Variants in PCBP3 observed in about 807,000 individuals in gnomAD.
The protein encoded by PCBP3 is poly(rC) binding protein 3.
Under a neutral mutation model 52.7 loss-of-function variants are expected in PCBP3, and 25 were observed. The ratio of observed to expected loss-of-function variants is 0.47; its 90% confidence interval spans 0.35 to 0.66. The LOEUF (loss-of-function observed/expected upper bound fraction) is 0.66, where lower values mean the gene tolerates loss of function less well. Ranked by LOEUF, PCBP3 falls within the 30% of genes least tolerant of loss-of-function variation. PCBP3 has a pLI of 0.01. For synonymous variants in PCBP3, 162 were observed against 183.0 expected (o/e 0.89, Z 0.93); for missense variants, 391 against 490.3 (o/e 0.80, Z 1.91).
At chr21:45,745,933 C>T (rs1391138444) in intron 3 of PCBP3, among the ~76,000 whole-genome samples, 3 of 151,480 alleles carry the variant, frequency 2.0e-5, no homozygotes, top group Non-Finnish European at 4.4e-5. Context: ...AGTCCATTGA[C>T]GTAGCGCCAC....
chr21:45,843,030 T>C (rs1481993785), intron 4 of PCBP3, among the ~76,000 whole-genome samples: 3 of 145,752 alleles, frequency 2.1e-5, no homozygotes, highest in Non-Finnish European at 4.4e-5. Flanking sequence ...GTCTGAAATA[T>C]AGAGGAGGAA....
At chr21:45,744,913 G>A (rs73232744) in intron 3 of PCBP3, among the ~76,000 whole-genome samples, 108 of 152,282 alleles carry the variant, frequency 7.1e-4, no homozygotes, top group Admixed American at 2.9e-3. Flanking sequence ...TACTTTTTAA[G>A]TATCATGTTT....
chr21:45,818,927 C>T (rs1394671452), intron 4 of PCBP3, among the ~76,000 whole-genome samples: 6 of 152,188 alleles, frequency 3.9e-5, no homozygotes, highest in Non-Finnish European at 7.3e-5. Flanking sequence ...GCATGCTATA[C>T]GATTCCAACT....
intron 2 of PCBP3, among the ~76,000 whole-genome samples, chr21:45,683,911 G>A (rs1219092409): frequency 3.3e-5 from 5 of 151,490 alleles, no homozygotes; most frequent in South Asian, 4.2e-4. Context: ...GGGCGACAGC[G>A]AGACTCCATC....
At position 45,821,637 on chromosome 21, in the gene PCBP3, C is replaced by T. The variant is rs1030494757; in HGVS notation, c.-125-28324C>T. On this transcript the variant is annotated intron_variant, in intron 4 of 17. Coordinates refer to ENST00000681687, the MANE Select transcript of PCBP3 (RefSeq NM_001384156.1). This position sits in a 1 kb window ranked among gnomAD's most constrained non-coding sequence, Gnocchi z 4.4. ...CCTGGTTCTTGTTCTGGCTTCTCCACGGGACCCTCCTGTCCTCCCGTGTGA... is the reference window on the plus strand; with the variant it reads ...CCTGGTTCTTGTTCTGGCTTCTCCATGGGACCCTCCTGTCCTCCCGTGTGA... 6.6e-6 allele frequency among the ~76,000 whole-genome samples: 1 copy of T among 152,108 alleles called. No individual in the cohort carries two copies.
At chr21:45,782,227 T>A (rs1050394451) in intron 4 of PCBP3, among the ~76,000 whole-genome samples, 17 of 152,162 alleles carry the variant, frequency 1.1e-4, no homozygotes, top group African/African-American at 3.9e-4. Flanking sequence ...GACCCAGAGA[T>A]GATTTGTATA....
chr21:45,738,780 A>T (rs1168465461), intron 3 of PCBP3, among the ~76,000 whole-genome samples: 1 of 102,312 alleles, frequency 9.8e-6, no homozygotes, highest in African/African-American at 4.0e-5. Flanking sequence ...TCCCATCTTC[A>T]TCAGCCCACC....
At chr21:45,683,117 T>C (rs2081951093) in intron 2 of PCBP3, among the ~76,000 whole-genome samples, 1 of 152,082 alleles carries the variant, frequency 6.6e-6, no homozygotes, top group South Asian at 2.1e-4. Flanking sequence ...GTAAAAAAAG[T>C]ATTTCAAGAA....
At position 45,899,588 on chromosome 21, in the gene PCBP3, T is replaced by G; in HGVS notation, c.166-11T>G. 1 of 1,609,058 alleles carries G rather than the reference T, an allele frequency of 6.2e-7. No homozygotes were observed. Among genetic ancestry groups the G allele is most frequent in the Admixed American group, 1.7e-5 (1 of 60,002 alleles). ...TGACATCATCTTTCTGTGATTTTTTTTTTCTTGCAGGAAGTTGGAAGCATC... is the reference window on the plus strand; with the variant it reads ...TGACATCATCTTTCTGTGATTTTTTGTTTCTTGCAGGAAGTTGGAAGCATC... On this transcript the variant is annotated splice_polypyrimidine_tract_variant and intron_variant, in intron 6 of 17. Coordinates refer to ENST00000681687, the MANE Select transcript of PCBP3 (RefSeq NM_001384156.1).
intron 5 of PCBP3, among the ~76,000 whole-genome samples, chr21:45,875,229 C>G (rs1421551874): frequency 7.3e-5 from 11 of 150,476 alleles, no homozygotes; most frequent in Admixed American, 2.0e-4. Context: ...ACTCACCGGG[C>G]CTGGGGGCCC....
intron 4 of PCBP3, among the ~76,000 whole-genome samples, chr21:45,790,559 G>A (rs2146358426): frequency 6.6e-6 from 1 of 152,282 alleles, no homozygotes; most frequent in East Asian, 1.9e-4. Context: ...CGTCTGTGGA[G>A]AGAAGAGGAG....
intron 2 of PCBP3, among the ~76,000 whole-genome samples, chr21:45,690,281 A>T (rs1424913506): frequency 6.6e-6 from 1 of 152,056 alleles, no homozygotes; most frequent in Non-Finnish European, 1.5e-5. Flanking sequence ...TCCATATATA[A>T]AAAAAAGAAC....
chr21:45,871,235 G>C (rs1185504182), intron 5 of PCBP3: 2 of 142,044 alleles, frequency 1.4e-5, no homozygotes, highest in Non-Finnish European at 3.1e-5. Context: ...TCCAGTGCCC[G>C]GGAGAGACAG....
chr21:45,908,170 C>G (rs1319088556), intron 9 of PCBP3, among the ~76,000 whole-genome samples: 1 of 152,162 alleles, frequency 6.6e-6, no homozygotes. Flanking sequence ...ATTGAGGCCA[C>G]TTGGAGAGAC....
intron 4 of PCBP3, among the ~76,000 whole-genome samples, chr21:45,835,429 C>G (rs1398804874): frequency 1.3e-5 from 2 of 152,134 alleles, no homozygotes; most frequent in Non-Finnish European, 2.9e-5. Context: ...AACACTGGCC[C>G]CGGGTCTCTA....
At chr21:45,761,432 C>T (rs959848175) in intron 4 of PCBP3, 1 of 152,182 alleles carries the variant, frequency 6.6e-6, no homozygotes, top group African/African-American at 2.4e-5. Flanking sequence ...CATTTTACTC[C>T]TAGGTTCACA....
chr21:45,674,117 T>C (rs931720099), intron 2 of PCBP3, among the ~76,000 whole-genome samples: 4 of 152,194 alleles, frequency 2.6e-5, no homozygotes, highest in African/African-American at 9.7e-5. Context: ...TGAATTATCT[T>C]GACTTGAGTC....
chr21:45,826,929 G>T (rs1024124096), intron 4 of PCBP3, among the ~76,000 whole-genome samples: 1 of 152,134 alleles, frequency 6.6e-6, no homozygotes, highest in African/African-American at 2.4e-5. Context: ...GCCAAGTGGA[G>T]AGTTGAGGCT....
At chr21:45,732,165 G>A (rs1357075423) in intron 2 of PCBP3, among the ~76,000 whole-genome samples, 1 of 151,870 alleles carries the variant, frequency 6.6e-6, no homozygotes, top group Non-Finnish European at 1.5e-5. Context: ...ATTCCAGGTT[G>A]GTAGCCTTTT....
Sources: gnomAD v4.1 joint callset for allele counts (sites outside exome capture counted in the v4.1 genomes callset) on GRCh38, gnomAD v4.1.1 for gene constraint, Gnocchi (gnomAD v3.1) non-coding constraint, MANE v1.5 for transcripts, NCBI Gene and HGNC (gene_info 2026-07-23, HGNC 2026-07-21) for gene names.